Variants in GRM7 observed in about 807,000 individuals in gnomAD.
GRM7 encodes the protein metabotropic glutamate receptor 7.
A neutral mutation model predicts 84.5 loss-of-function variants in GRM7; 35 were observed. The observed-to-expected ratio is 0.41, with a 90% CI of 0.32 to 0.55. GRM7 has a LOEUF of 0.55. Ranked by LOEUF, GRM7 falls within the 20% of genes least tolerant of loss-of-function variation. The probability of loss-of-function intolerance (pLI) is 0.19; values close to 1 mark genes in which losing one functional copy is unlikely to be tolerated. For missense variants in GRM7, 1,003 were observed against 1,194.6 expected, an observed-to-expected ratio of 0.84 and a Z score of 2.36; for synonymous variants, 487 against 455.1, an observed-to-expected ratio of 1.07 and a Z score of -0.89.
At chr3:7,291,359 T>G (rs979630120) in intron 2 of GRM7, among the ~76,000 whole-genome samples, 1 of 152,126 alleles carries the variant, frequency 6.6e-6, no homozygotes, top group Non-Finnish European at 1.5e-5. Flanking sequence ...GGGACTCTGG[T>G]TCTCTCTCTT....
intron 7 of GRM7, among the ~76,000 whole-genome samples, chr3:7,542,635 C>T (rs1692941385): frequency 1.3e-5 from 2 of 151,050 alleles, no homozygotes; most frequent in African/African-American, 4.9e-5. Flanking sequence ...GCAAACTTCA[C>T]CTCCCGGGTT....
chr3:7,417,207 C>T (rs1243726000), intron 5 of GRM7, among the ~76,000 whole-genome samples: 3 of 152,104 alleles, frequency 2.0e-5, no homozygotes, highest in Non-Finnish European at 4.4e-5. Flanking sequence ...ATCACATTCA[C>T]TAAATTATAA....
At chr3:7,603,661 T>G (rs978153221) in intron 8 of GRM7, among the ~76,000 whole-genome samples, 2 of 152,086 alleles carry the variant, frequency 1.3e-5, no homozygotes, top group Non-Finnish European at 2.9e-5. Context: ...ACATCTGGAG[T>G]GTTAGGATTT....
At chr3:7,488,858 C>CTTTATTTATTTAT (rs143113148) in intron 7 of GRM7, among the ~76,000 whole-genome samples, 1 of 147,484 alleles carries the variant, frequency 6.8e-6, no homozygotes, top group Non-Finnish European at 1.5e-5. Flanking sequence ...CTAGTAAGGT[C>CTTTATTTATTTAT]TTATTTATTT....
chr3:7,310,735 A>C lies in GRM7; in HGVS notation c.1033+4083A>C, dbSNP rs554708745. 2.6e-5 allele frequency among the ~76,000 whole-genome samples: 4 copies of C among 152,296 alleles called. No individual in the cohort carries two copies. The South Asian group carries it at 8.3e-4, about 32-fold the overall frequency. On this transcript the variant is annotated intron_variant, in intron 4 of 9. Transcript: ENST00000357716. ...ACTTGCAACCCAGACTACTTGAAAAAATATAGTTGAGCCCAAACTACTTGA... is the reference window on the plus strand; with the variant it reads ...ACTTGCAACCCAGACTACTTGAAAACATATAGTTGAGCCCAAACTACTTGA...
intron 9 of GRM7, among the ~76,000 whole-genome samples, chr3:7,713,124 G>GTTTTTTTTTTTTTTTTTTTTTTTTTTTT (rs5846535): frequency 1.0e-5 from 1 of 97,124 alleles, no homozygotes; most frequent in Non-Finnish European, 2.2e-5. Context: ...ATTTTGTTTT[G>GTTTTTTTTTTTTTTTTTTTTTTTTTTTT]TTTTTTTTTT....
chr3:7,093,814 C>T (rs923771235), intron 1 of GRM7, among the ~76,000 whole-genome samples: 1 of 145,476 alleles, frequency 6.9e-6, no homozygotes, highest in Non-Finnish European at 1.5e-5. Flanking sequence ...CTATTGAATA[C>T]TTACTATGTA....
intron 4 of GRM7, among the ~76,000 whole-genome samples, chr3:7,327,569 C>A (rs1302264163): frequency 6.6e-6 from 1 of 152,088 alleles, no homozygotes; most frequent in Non-Finnish European, 1.5e-5. Flanking sequence ...TATCTAAGTG[C>A]AAAATTATCT....
intron 8 of GRM7, among the ~76,000 whole-genome samples, chr3:7,671,595 A>G (rs1699921671): frequency 6.6e-6 from 1 of 150,476 alleles, no homozygotes; most frequent in African/African-American, 2.5e-5. Context: ...GTCTTGTCCA[A>G]TACTCATCTA....
intron 1 of GRM7, among the ~76,000 whole-genome samples, chr3:6,895,457 T>C (rs1696142774): frequency 6.6e-6 from 1 of 152,186 alleles, no homozygotes; most frequent in South Asian, 2.1e-4. Context: ...GTAAGAACAC[T>C]ACCAAACTTA....
chr3:6,951,198 C>A (rs940836011), intron 1 of GRM7, among the ~76,000 whole-genome samples: 1 of 152,180 alleles, frequency 6.6e-6, no homozygotes, highest in African/African-American at 2.4e-5. Flanking sequence ...CCCAGTCTGA[C>A]TAGAAGTTTA....
At chr3:7,598,218 G>A (rs1696143703) in intron 8 of GRM7, among the ~76,000 whole-genome samples, 1 of 152,196 alleles carries the variant, frequency 6.6e-6, no homozygotes, top group Admixed American at 6.5e-5. Context: ...CCAGTGGTGG[G>A]TAACAAAGTA....
chr3:7,090,622 G>A (rs1444549145), intron 1 of GRM7, among the ~76,000 whole-genome samples: 1 of 152,124 alleles, frequency 6.6e-6, no homozygotes, highest in Non-Finnish European at 1.5e-5. Flanking sequence ...GATTAGTGTG[G>A]CCATAGAGAG....
intron 1 of GRM7, among the ~76,000 whole-genome samples, chr3:6,965,585 A>G (rs530508823): frequency 6.6e-6 from 1 of 152,038 alleles, no homozygotes; most frequent in Non-Finnish European, 1.5e-5. Context: ...TCTTCCTGCC[A>G]CAGCCTCCCA....
intron 7 of GRM7, among the ~76,000 whole-genome samples, chr3:7,516,959 T>G (rs540176083): frequency 6.6e-6 from 1 of 152,308 alleles, no homozygotes; most frequent in East Asian, 1.9e-4. Context: ...CACCTTCCTG[T>G]AGACCCCACC....
At chr3:7,081,933 G>T (rs1041818927) in intron 1 of GRM7, among the ~76,000 whole-genome samples, 1 of 152,076 alleles carries the variant, frequency 6.6e-6, no homozygotes, top group African/African-American at 2.4e-5. Context: ...CCGAAGGAAA[G>T]TTTGGAGCTA....
chr3:6,881,597 G>C (rs1342029739), intron 1 of GRM7, among the ~76,000 whole-genome samples: 2 of 147,838 alleles, frequency 1.4e-5, no homozygotes, highest in South Asian at 2.1e-4. Flanking sequence ...AAATTTTAAA[G>C]AAAAAAAAAA....
At chr3:6,988,065 C>A (rs1322955818) in intron 1 of GRM7, among the ~76,000 whole-genome samples, 3 of 147,678 alleles carry the variant, frequency 2.0e-5, no homozygotes, top group Non-Finnish European at 4.5e-5. Flanking sequence ...GGCGCGAACT[C>A]GGCTCACTGC....
At chr3:7,699,631 C>T (rs1264379138) in intron 9 of GRM7, among the ~76,000 whole-genome samples, 1 of 152,000 alleles carries the variant, frequency 6.6e-6, no homozygotes, top group East Asian at 1.9e-4. Flanking sequence ...TTCTTTTCTG[C>T]TACTTATTTT....
Sources: allele counts gnomAD v4.1 joint callset (sites outside exome capture counted in the v4.1 genomes callset), GRCh38; gene constraint gnomAD v4.1.1; transcripts MANE v1.5; gene names NCBI Gene and HGNC (gene_info 2026-07-23, HGNC 2026-07-21).